The following CNTN4 variants were observed in gnomAD, a reference collection of about 807,000 sequenced individuals.
CNTN4 encodes contactin-4.
Under a neutral mutation model 122.5 loss-of-function variants are expected in CNTN4, and 77 were observed. That is an observed-to-expected ratio of 0.63 (90% CI 0.52 to 0.76). The LOEUF is 0.76. CNTN4 is among the 30% of genes least tolerant of loss of function. CNTN4 has a pLI of 0.00. For synonymous variants in CNTN4, 512 were observed against 447.0 expected (o/e 1.15, Z -1.83); for missense variants, 1,256 against 1,259.1 (o/e 1.00, Z 0.04).
chr3:2,444,281 A>T (rs571196598), intron 3 of CNTN4, among the ~76,000 whole-genome samples: 1 of 152,190 alleles, frequency 6.6e-6, no homozygotes, highest in South Asian at 2.1e-4. Flanking sequence ...CTATGAAGAT[A>T]AAACGAGGCA....
At chr3:2,848,713 C>A (rs766033067) in intron 7 of CNTN4, among the ~76,000 whole-genome samples, 1 of 152,116 alleles carries the variant, frequency 6.6e-6, no homozygotes, top group African/African-American at 2.4e-5. Flanking sequence ...GGTAACTCAG[C>A]GGGAAGGAGA....
intron 6 of CNTN4, among the ~76,000 whole-genome samples, chr3:2,775,147 T>A (rs1037893209): frequency 4.6e-5 from 7 of 152,250 alleles, no homozygotes; most frequent in African/African-American, 1.7e-4. Flanking sequence ...CCATATGCTT[T>A]GTACAGTGAC....
At chr3:2,946,875 T>C (rs2094684704) in intron 13 of CNTN4, among the ~76,000 whole-genome samples, 1 of 151,976 alleles carries the variant, frequency 6.6e-6, no homozygotes, top group South Asian at 2.1e-4. Flanking sequence ...CCAGCTAATT[T>C]CTTAACGTTT....
At chr3:2,392,458 C>G (rs1343429740) in intron 3 of CNTN4, among the ~76,000 whole-genome samples, 99 of 152,124 alleles carry the variant, frequency 6.5e-4, no homozygotes, top group Non-Finnish European at 1.0e-4. Context: ...TGCACACAGT[C>G]TTCATGTTCA....
intron 12 of CNTN4, among the ~76,000 whole-genome samples, chr3:2,908,508 G>A (rs929539639): frequency 7.2e-5 from 11 of 152,290 alleles, no homozygotes; most frequent in Middle Eastern, 3.4e-3. Context: ...AACCAAACAA[G>A]GATGGGGTCT....
intron 4 of CNTN4, among the ~76,000 whole-genome samples, chr3:2,585,883 A>G (rs2080179629): frequency 6.6e-6 from 1 of 152,292 alleles, no homozygotes; most frequent in South Asian, 2.1e-4. Flanking sequence ...GGGAGAAAAA[A>G]AAAAAAGCTA....
At chr3:2,564,567 C>T (rs931985347) in intron 3 of CNTN4, among the ~76,000 whole-genome samples, 3 of 152,084 alleles carry the variant, frequency 2.0e-5, no homozygotes, top group Non-Finnish European at 2.9e-5. Context: ...TTTCAAGAAT[C>T]CTTAAAAACA....
At chr3:2,968,536 G>T (rs375511205) in intron 13 of CNTN4, among the ~76,000 whole-genome samples, 2 of 152,266 alleles carry the variant, frequency 1.3e-5, no homozygotes, top group East Asian at 3.9e-4. Context: ...TAGCACTAAA[G>T]ATGAATCCTG....
At chr3:2,726,786 G>A (rs1268311073) in intron 4 of CNTN4, among the ~76,000 whole-genome samples, 1 of 152,288 alleles carries the variant, frequency 6.6e-6, no homozygotes, top group East Asian at 1.9e-4. Flanking sequence ...CAGGACCACA[G>A]CATGTGCAAT....
At chr3:2,359,663 C>T (rs113727517) in intron 3 of CNTN4, among the ~76,000 whole-genome samples, 3 of 152,156 alleles carry the variant, frequency 2.0e-5, no homozygotes, top group African/African-American at 7.2e-5. Context: ...ACTCAGCCTC[C>T]AGAGTAGTTG....
intron 2 of CNTN4, among the ~76,000 whole-genome samples, chr3:2,153,644 G>C (rs770516356): frequency 2.0e-5 from 3 of 151,980 alleles, no homozygotes; most frequent in Non-Finnish European, 4.4e-5. Flanking sequence ...ACCATGGTAA[G>C]GGTGTACTTT....
At chr3:2,506,746 A>G (rs950593264) in intron 3 of CNTN4, among the ~76,000 whole-genome samples, 3 of 152,176 alleles carry the variant, frequency 2.0e-5, no homozygotes, top group South Asian at 4.1e-4. Context: ...AAGAAAAAAG[A>G]TATTTGGAAG....
intron 3 of CNTN4, among the ~76,000 whole-genome samples, chr3:2,496,093 T>C (rs891724684): frequency 4.6e-5 from 7 of 152,198 alleles, no homozygotes; most frequent in African/African-American, 7.2e-5. Flanking sequence ...CAGCATTCTA[T>C]TTTCTGTGTA....
At chr3:2,964,565 G>A (rs924075371) in intron 13 of CNTN4, among the ~76,000 whole-genome samples, 5 of 152,130 alleles carry the variant, frequency 3.3e-5, no homozygotes, top group Non-Finnish European at 7.3e-5. Context: ...CAGAAAGTTT[G>A]GGATGGGGCC....
At chr3:2,174,973 C>T (rs2036685866) in intron 2 of CNTN4, among the ~76,000 whole-genome samples, 1 of 152,146 alleles carries the variant, frequency 6.6e-6, no homozygotes, top group African/African-American at 2.4e-5. Context: ...TCCCACCAGG[C>T]CCCATCTCCA....
At chr3:2,969,792 G>A (rs2055320) in intron 13 of CNTN4, among the ~76,000 whole-genome samples, 13,885 of 152,098 alleles carry the variant, frequency 0.091, 821 homozygotes, top group Admixed American at 0.17. Flanking sequence ...AAAATTAGGA[G>A]TATGATTTCA....
chr3:2,596,519 T>C (rs764249050), intron 4 of CNTN4, among the ~76,000 whole-genome samples: 1 of 152,164 alleles, frequency 6.6e-6, no homozygotes, highest in Non-Finnish European at 1.5e-5. Flanking sequence ...CATATATATT[T>C]ACACATCTAT....
At chr3:2,828,198 C>T (rs928641658) in intron 7 of CNTN4, among the ~76,000 whole-genome samples, 1 of 151,990 alleles carries the variant, frequency 6.6e-6, no homozygotes, top group African/African-American at 2.4e-5. Context: ...TAAAAACACA[C>T]ATAACAAATG....
chr3:2,276,037 A>G (rs1442356415), intron 2 of CNTN4, among the ~76,000 whole-genome samples: 2 of 151,952 alleles, frequency 1.3e-5, no homozygotes, highest in East Asian at 3.9e-4. Flanking sequence ...TTTCAAAAAT[A>G]TTGCTTTTTG....
Sources: allele counts gnomAD v4.1 joint callset (sites outside exome capture counted in the v4.1 genomes callset), GRCh38; gene constraint gnomAD v4.1.1; transcripts MANE v1.5; gene names NCBI Gene and HGNC (gene_info 2026-07-23, HGNC 2026-07-21).